STK31: variants seen among roughly 807,000 people sequenced by gnomAD.
The protein encoded by STK31 is serine/threonine-protein kinase 31.
A neutral mutation model predicts 129.7 loss-of-function variants in STK31; 89 were observed. The ratio of observed to expected loss-of-function variants is 0.69; its 90% CI spans 0.58 to 0.82. STK31 has a LOEUF of 0.82. Among genes scored for constraint, STK31 ranks in the 40% least tolerant of loss-of-function variants. The pLI is 0.00. For missense variants in STK31, 1,187 were observed against 1,176.4 expected, an observed-to-expected ratio of 1.01 and a Z score of -0.13; for synonymous variants, 448 against 395.3, an observed-to-expected ratio of 1.13 and a Z score of -1.58.
chr7:23,717,392 TTTTAAG>T (rs138454658), intron 3 of STK31, 83 bp from the exon 4 acceptor site: 190,034 of 832,132 alleles, frequency 0.23, 22,228 homozygotes, highest in African/African-American at 0.43. Context: ...GCCTAAAATC[TTTTAAG>T]TTTATCATGC....
At chr7:23,754,564 A>G (rs4722267) in intron 10 of STK31, 90 bp downstream of exon 10, 600,070 of 1,372,202 alleles carry the variant, frequency 0.44, 134,973 homozygotes, top group Middle Eastern at 0.49. Flanking sequence ...ATAACAGGAT[A>G]CATGTGCAGA....
chr7:23,745,588 C>T (rs939769700), intron 8 of STK31, among the ~76,000 whole-genome samples: 4 of 152,300 alleles, frequency 2.6e-5, no homozygotes, highest in Admixed American at 2.0e-4. Context: ...CTGCTTAGGG[C>T]AGCGGGGTCA....
intron 15 of STK31, among the ~76,000 whole-genome samples, chr7:23,775,396 T>C (rs1790473409): frequency 6.6e-6 from 1 of 152,234 alleles, no homozygotes; most frequent in Non-Finnish European, 1.5e-5. Context: ...GGGAATAGCA[T>C]TGAATTTATA....
At chr7:23,713,882 A>C (rs900470582) in intron 3 of STK31, among the ~76,000 whole-genome samples, 1 of 152,106 alleles carries the variant, frequency 6.6e-6, no homozygotes, top group Admixed American at 6.5e-5. Flanking sequence ...ATATATATAT[A>C]CACACACACC....
chr7:23,786,346 A>G (rs1344894264), intron 18 of STK31, among the ~76,000 whole-genome samples, 162 bp from the exon 19 acceptor site: 1 of 152,078 alleles, frequency 6.6e-6, no homozygotes, highest in African/African-American at 2.4e-5. Flanking sequence ...TCCTTTTCCA[A>G]ATTATAGCAT....
chr7:23,805,813 T>G (rs1196640612), intron 22 of STK31, among the ~76,000 whole-genome samples: 2 of 152,222 alleles, frequency 1.3e-5, no homozygotes, highest in Non-Finnish European at 1.5e-5. Flanking sequence ...GACATTATTA[T>G]GTCTCTTTAT....
At chr7:23,802,344 C>T (rs1005206374) in intron 22 of STK31, among the ~76,000 whole-genome samples, 14 of 152,144 alleles carry the variant, frequency 9.2e-5, no homozygotes, top group Non-Finnish European at 1.5e-4. Context: ...AACGACCTCC[C>T]GCTGTGCGGT....
At chr7:23,830,315 C>T (rs1227807477) in intron 23 of STK31, among the ~76,000 whole-genome samples, 5 of 151,836 alleles carry the variant, frequency 3.3e-5, no homozygotes, top group South Asian at 2.1e-4. Context: ...CGTTATTCTT[C>T]GTTTTCTACT....
chr7:23,712,976 C>T (rs926737442), intron 3 of STK31, among the ~76,000 whole-genome samples: 20 of 151,842 alleles, frequency 1.3e-4, no homozygotes, highest in African/African-American at 3.9e-4. Flanking sequence ...GAGGTGAACT[C>T]GTAATGTGGG....
intron 21 of STK31, among the ~76,000 whole-genome samples, chr7:23,789,684 A>G (rs1791501026): frequency 6.6e-6 from 1 of 152,128 alleles, no homozygotes; most frequent in Non-Finnish European, 1.5e-5. Flanking sequence ...AAGATATCCT[A>G]AGAAATATAA....
At chr7:23,796,497 GTTGA>G (rs921003882) in intron 22 of STK31, among the ~76,000 whole-genome samples, 10 of 151,908 alleles carry the variant, frequency 6.6e-5, no homozygotes, top group Middle Eastern at 3.2e-3. Flanking sequence ...CTTATGTATT[GTTGA>G]TTAAGTCCTT....
rs772815905 is a variant in STK31 at position 23,790,880 on chromosome 7, G to A, written c.2694G>A (p.Glu898=). The part of the protein sequence containing the change: ...MVGDLSLMSP[E]LKMGKPASPG... ...GTGACTTGAGTTTGATGTCACCTGA[G>A]TTGAAAATGGGAAAACCTGCTTCTC... Residue 898 remains glutamate, a synonymous_variant, in exon 22 of 24, where the codon GAG becomes GAA. Coordinates refer to ENST00000355870, the MANE Select transcript of STK31 (RefSeq NM_031414.5). 1 of 1,609,386 alleles carries A rather than the reference G, an allele frequency of 6.2e-7. No homozygotes were observed. Among genetic ancestry groups the A allele is most frequent in the Non-Finnish European group, 8.5e-7 (1 of 1,178,202 alleles).
chr7:23,798,489 A>G (rs1429853356), intron 22 of STK31, among the ~76,000 whole-genome samples: 4 of 113,428 alleles, frequency 3.5e-5, no homozygotes, highest in African/African-American at 1.2e-4. Flanking sequence ...AACAGAACCA[A>G]AAACAAAAAC....
At chr7:23,775,645 T>A (rs978444566) in intron 15 of STK31, among the ~76,000 whole-genome samples, 11 of 152,192 alleles carry the variant, frequency 7.2e-5, no homozygotes, top group African/African-American at 2.7e-4. Flanking sequence ...ATTATTGGTG[T>A]ATAGGAATGC....
chr7:23,763,437 A>G (rs1374708827), intron 11 of STK31, among the ~76,000 whole-genome samples: 2 of 152,196 alleles, frequency 1.3e-5, no homozygotes, highest in African/African-American at 4.8e-5. Context: ...TTCGGGGTGA[A>G]TGAACATGAC....
chr7:23,807,858 ACT>A (rs1388595142), intron 22 of STK31, among the ~76,000 whole-genome samples: 2 of 151,918 alleles, frequency 1.3e-5, no homozygotes, highest in African/African-American at 2.4e-5. Flanking sequence ...ATTTTTGATT[ACT>A]GTTTTTCTGT....
Position 23,736,961 on chromosome 7 carries a change from T to C in STK31, c.900T>C (p.Ile300=). 6.2e-7 allele frequency: 1 copy of C among 1,613,536 alleles called. No homozygotes were observed. Among genetic ancestry groups the C allele is most frequent in the South Asian group, 1.1e-5 (1 of 90,926 alleles). The change falls in exon 8 of 24, where the codon ATT becomes ATC. Residue 300 remains isoleucine (I), a synonymous_variant. Transcript: ENST00000355870. ...NLGSNVSLEK[I]KQDQKLIEEN... is the part of the protein sequence containing the mutation. ...GGTCTAACGTCAGCCTGGAAAAAAT[T>C]AAGCAGGACCAGAAACTGATTGAAG...
intron 22 of STK31, among the ~76,000 whole-genome samples, chr7:23,808,796 C>T (rs897398137): frequency 2.6e-5 from 4 of 151,458 alleles, no homozygotes; most frequent in African/African-American, 9.7e-5. Flanking sequence ...TCACTCAGCA[C>T]TACTAATACT....
intron 8 of STK31, among the ~76,000 whole-genome samples, chr7:23,750,688 A>G (rs2128091565): frequency 6.6e-6 from 1 of 152,358 alleles, no homozygotes; most frequent in South Asian, 2.1e-4. Context: ...GCTACTTAGA[A>G]GCATGTTGCT....
Sources: allele counts gnomAD v4.1 joint callset (sites outside exome capture counted in the v4.1 genomes callset), GRCh38; gene constraint gnomAD v4.1.1; transcripts MANE v1.5; gene names NCBI Gene and HGNC (gene_info 2026-07-23, HGNC 2026-07-21).